PLCG2: variants seen among roughly 807,000 people sequenced by gnomAD.
PLCG2 encodes 1-phosphatidylinositol 4,5-bisphosphate phosphodiesterase gamma-2.
Under a neutral mutation model 175.6 loss-of-function variants are expected in PLCG2, and 69 were observed. That is an observed-to-expected ratio of 0.39 (90% CI 0.32 to 0.48). PLCG2 has a LOEUF of 0.48. Ranked by LOEUF, PLCG2 falls within the 20% of genes least tolerant of loss-of-function variation. PLCG2 has a pLI of 0.91. For missense variants in PLCG2, 1,798 were observed against 1,650.9 expected, an observed-to-expected ratio of 1.09 and a Z score of -1.54; for synonymous variants, 827 against 624.0, an observed-to-expected ratio of 1.33 and a Z score of -4.85.
At chr16:81,878,798 T>G (rs931468067) in intron 7 of PLCG2, among the ~76,000 whole-genome samples, 3 of 152,200 alleles carry the variant, frequency 2.0e-5, no homozygotes, top group African/African-American at 4.8e-5. Flanking sequence ...CCGACTGTCT[T>G]CCTTATCTTG....
intron 2 of PLCG2, among the ~76,000 whole-genome samples, chr16:81,840,760 C>T (rs1905779504): frequency 6.6e-6 from 1 of 152,224 alleles, no homozygotes; most frequent in Non-Finnish European, 1.5e-5. Flanking sequence ...AGACAGGTGC[C>T]AGTTCATGGC....
chr16:81,761,530 G>T (rs8061457), intron 2 of PLCG2, among the ~76,000 whole-genome samples: 1 of 151,978 alleles, frequency 6.6e-6, no homozygotes, highest in African/African-American at 2.4e-5. Context: ...AGAGTCATAT[G>T]TCTTTCCCTC....
intron 2 of PLCG2, 125 bp downstream of exon 2, chr16:81,786,307 T>A: frequency 1.3e-6 from 1 of 793,498 alleles, no homozygotes; most frequent in Non-Finnish European, 2.0e-6. Context: ...TTATTCGTCT[T>A]AAAATGAAAG....
chr16:81,743,384 T>C (rs13337444), intron 1 of PLCG2, among the ~76,000 whole-genome samples: 15,701 of 152,078 alleles, frequency 0.1, 1,349 homozygotes, highest in African/African-American at 0.23. Context: ...ACCGGTGTGC[T>C]CTGTCTCTTG....
intron 9 of PLCG2, among the ~76,000 whole-genome samples, chr16:81,888,901 C>T (rs116511355): frequency 1.4e-3 from 215 of 152,272 alleles, no homozygotes; most frequent in African/African-American, 4.8e-3. Context: ...GCTGCTTTTG[C>T]AACACAACAG....
At chr16:81,900,851 G>C in intron 14 of PLCG2, 71 bp downstream of exon 14, 1 of 1,392,250 alleles carries the variant, frequency 7.2e-7, no homozygotes, top group Non-Finnish European at 9.9e-7. Flanking sequence ...TCTGGGTCCC[G>C]TTCACCAAGT....
chr16:81,883,735 G>T, intron 9 of PLCG2: 2 of 269,770 alleles, frequency 7.4e-6, no homozygotes, highest in South Asian at 4.3e-5. Flanking sequence ...ATGGGAGGAT[G>T]GGATCAGATT....
At chr16:81,756,405 C>T (rs1909928607) in intron 2 of PLCG2, among the ~76,000 whole-genome samples, 1 of 152,238 alleles carries the variant, frequency 6.6e-6, no homozygotes, top group Non-Finnish European at 1.5e-5. Context: ...AAACTGCTAT[C>T]TTATACGGCA....
At chr16:81,956,386 G>A (rs1004767976) in intron 31 of PLCG2, among the ~76,000 whole-genome samples, 2 of 152,268 alleles carry the variant, frequency 1.3e-5, no homozygotes, top group Non-Finnish European at 2.9e-5. Context: ...AAGGTGACAT[G>A]TAGACCAAAG....
At chr16:81,778,204 C>T (rs1161791931), upstream of PLCG2, among the ~76,000 whole-genome samples, 2 of 151,974 alleles carry the variant, frequency 1.3e-5, no homozygotes, top group African/African-American at 4.8e-5. Context: ...AGTGAGACCT[C>T]ATGTCGAAAA....
chr16:81,878,102 C>T (rs1011161429), intron 7 of PLCG2, among the ~76,000 whole-genome samples: 4 of 151,462 alleles, frequency 2.6e-5, no homozygotes, highest in Admixed American at 6.6e-5. Flanking sequence ...CTGCCTCAGC[C>T]TCCCGAGTAG....
At chr16:81,754,040 G>C (rs530258726) in intron 1 of PLCG2, among the ~76,000 whole-genome samples, 1 of 152,190 alleles carries the variant, frequency 6.6e-6, no homozygotes, top group South Asian at 2.1e-4. Context: ...CCCCCGGGGA[G>C]AAGATTCTAG....
At chr16:81,797,805 C>T (rs1291359495) in intron 2 of PLCG2, among the ~76,000 whole-genome samples, 1 of 151,988 alleles carries the variant, frequency 6.6e-6, no homozygotes, top group Non-Finnish European at 1.5e-5. Flanking sequence ...ATCTACTTGG[C>T]CTCTTTGAGT....
intron 19 of PLCG2, among the ~76,000 whole-genome samples, chr16:81,916,669 G>T (rs1909856323): frequency 6.6e-6 from 1 of 151,070 alleles, no homozygotes; most frequent in African/African-American, 2.4e-5. Context: ...ATGGAGTCTT[G>T]CTCTGTTGCC....
intron 2 of PLCG2, among the ~76,000 whole-genome samples, chr16:81,756,431 C>A (rs527517397): frequency 6.6e-6 from 1 of 152,270 alleles, no homozygotes; most frequent in African/African-American, 2.4e-5. Context: ...TATTATTAAC[C>A]CCATTTTACA....
chr16:81,838,326 A>T (rs1299878048), intron 2 of PLCG2, among the ~76,000 whole-genome samples: 8 of 152,154 alleles, frequency 5.3e-5, no homozygotes, highest in Admixed American at 5.2e-4. Flanking sequence ...GCCTCATGTG[A>T]TCTGCCTGCC....
chr16:81,805,175 A>T (rs1006775565), intron 2 of PLCG2, among the ~76,000 whole-genome samples: 4 of 152,122 alleles, frequency 2.6e-5, no homozygotes, highest in Non-Finnish European at 4.4e-5. Context: ...CTGATAAAGG[A>T]CCCATATCCA....
chr16:81,923,266 C>T (rs1910130763), intron 21 of PLCG2: 1 of 508,762 alleles, frequency 2.0e-6, no homozygotes. Flanking sequence ...ACCCAGGTAC[C>T]CTTGGCTCTG....
At chr16:81,897,093 G>A (rs778520292) in intron 13 of PLCG2, among the ~76,000 whole-genome samples, 1 of 152,218 alleles carries the variant, frequency 6.6e-6, no homozygotes, top group African/African-American at 2.4e-5. Context: ...GTAAACACAT[G>A]AGTCTGGCTG....
Sources: gnomAD v4.1 joint callset for allele counts (sites outside exome capture counted in the v4.1 genomes callset) on GRCh38, gnomAD v4.1.1 for gene constraint, MANE v1.5 for transcripts, NCBI Gene and HGNC (gene_info 2026-07-23, HGNC 2026-07-21) for gene names.